Variants in CNTNAP2 observed in about 807,000 individuals in gnomAD.
CNTNAP2 encodes contactin-associated protein-like 2.
Under a neutral mutation model 155.2 loss-of-function variants are expected in CNTNAP2, and 98 were observed. The ratio of observed to expected loss-of-function variants is 0.63; its 90% CI spans 0.54 to 0.75. The LOEUF is 0.75. Among genes scored for constraint, CNTNAP2 ranks in the 30% least tolerant of loss-of-function variants. The probability of loss-of-function intolerance (pLI) is 0.00; values close to 1 mark genes in which losing one functional copy is unlikely to be tolerated. For missense variants in CNTNAP2, 1,727 were observed against 1,688.1 expected (o/e 1.02, Z -0.40); for synonymous variants, 651 against 631.2 (o/e 1.03, Z -0.47).
intron 12 of CNTNAP2, among the ~76,000 whole-genome samples, chr7:147,575,408 T>G: frequency 7.1e-6 from 1 of 140,228 alleles, no homozygotes; most frequent in African/African-American, 2.7e-5. Flanking sequence ...GTGTGTGTAT[T>G]CCCTAGCTTT....
At chr7:147,637,360 A>G (rs1470600733) in intron 12 of CNTNAP2, among the ~76,000 whole-genome samples, 1 of 152,100 alleles carries the variant, frequency 6.6e-6, no homozygotes, top group African/African-American at 2.4e-5. Flanking sequence ...AGCAGAGAGG[A>G]TTCATGGGCA....
intron 1 of CNTNAP2, among the ~76,000 whole-genome samples, chr7:146,407,964 T>C (rs935801075): frequency 6.6e-6 from 1 of 152,208 alleles, no homozygotes; most frequent in Non-Finnish European, 1.5e-5. Flanking sequence ...ATTGTAATAA[T>C]GCAGTACCTC....
intron 3 of CNTNAP2, among the ~76,000 whole-genome samples, chr7:146,997,075 T>C (rs1364046085): frequency 1.3e-5 from 2 of 151,120 alleles, no homozygotes; most frequent in Non-Finnish European, 2.9e-5. Flanking sequence ...CTCTTTTTCT[T>C]TATAAATTAT....
chr7:146,762,557 C>T (rs1397625245), intron 1 of CNTNAP2, among the ~76,000 whole-genome samples: 3 of 152,124 alleles, frequency 2.0e-5, no homozygotes. Flanking sequence ...TGAGATCGTG[C>T]CAGTACACTC....
chr7:146,322,657 G>T (rs1801026882), intron 1 of CNTNAP2, among the ~76,000 whole-genome samples: 1 of 4,228 alleles, frequency 2.4e-4, no homozygotes, highest in South Asian at 0.029. Flanking sequence ...TTTTTTGCTG[G>T]CTATGACGGT....
chr7:146,471,139 G>C (rs1300203737), intron 1 of CNTNAP2, among the ~76,000 whole-genome samples: 1 of 152,118 alleles, frequency 6.6e-6, no homozygotes, highest in Non-Finnish European at 1.5e-5. Flanking sequence ...TTGAAAACAA[G>C]CAATAAACAA....
chr7:148,123,070 T>C (rs1439474645), intron 16 of CNTNAP2, among the ~76,000 whole-genome samples: 1 of 152,126 alleles, frequency 6.6e-6, no homozygotes, highest in East Asian at 1.9e-4. Flanking sequence ...TGAGTCTCTG[T>C]GGGCTATAGG....
At chr7:147,418,539 A>C (rs1456278819) in intron 10 of CNTNAP2, among the ~76,000 whole-genome samples, 1 of 152,184 alleles carries the variant, frequency 6.6e-6, no homozygotes, top group Non-Finnish European at 1.5e-5. Flanking sequence ...CCTGCACCCT[A>C]ATGTAAAATT....
chr7:146,458,579 T>C (rs1796590683), intron 1 of CNTNAP2, among the ~76,000 whole-genome samples: 1 of 152,188 alleles, frequency 6.6e-6, no homozygotes, highest in African/African-American at 2.4e-5. Context: ...TACACATACA[T>C]ATACATACAT....
intron 4 of CNTNAP2, among the ~76,000 whole-genome samples, chr7:147,073,897 G>C (rs536876104): frequency 6.6e-6 from 1 of 152,272 alleles, no homozygotes; most frequent in African/African-American, 2.4e-5. Context: ...GGGGTTAGGA[G>C]ATTGAGTCAG....
chr7:147,859,574 G>T (rs572896263), intron 13 of CNTNAP2, among the ~76,000 whole-genome samples: 43 of 152,228 alleles, frequency 2.8e-4, no homozygotes, highest in African/African-American at 1.0e-3. Flanking sequence ...TTTCCTCAAT[G>T]TCAGTTTATT....
At chr7:148,251,908 A>C (rs1796369339) in intron 20 of CNTNAP2, among the ~76,000 whole-genome samples, 1 of 152,170 alleles carries the variant, frequency 6.6e-6, no homozygotes, top group African/African-American at 2.4e-5. Flanking sequence ...CTGTAGCCCC[A>C]GTTCCATATA....
Position 146,202,789 on chromosome 7 carries a change from T to C in CNTNAP2, c.97+85816T>C, listed in dbSNP as rs73162120. Among the ~76,000 whole-genome samples, 346 of 152,314 alleles carry C rather than the reference T, an allele frequency of 2.3e-3. 2 individuals are homozygous for C. Among genetic ancestry groups the C allele is most frequent in the Non-Finnish European group, 3.7e-3 (250 of 68,036 alleles). On this transcript the variant is annotated intron_variant, in intron 1 of 23. Transcript: ENST00000361727. Reference sequence around the variant, plus strand: ...TGCATAAAAATAATGAGTTCAACTATGATTACAGAAAATGTACATTATAGA... The same window carrying C: ...TGCATAAAAATAATGAGTTCAACTACGATTACAGAAAATGTACATTATAGA...
intron 21 of CNTNAP2, among the ~76,000 whole-genome samples, chr7:148,348,328 A>C (rs1439277999): frequency 1.3e-5 from 2 of 152,088 alleles, no homozygotes; most frequent in African/African-American, 4.8e-5. Context: ...CAAATCGTAC[A>C]TTTTCTTCCA....
Position 147,839,801 on chromosome 7 carries a change from G to A in CNTNAP2, c.2099-63764G>A, listed in dbSNP as rs76157906. Among the ~76,000 whole-genome samples, 16 of 152,230 alleles carry A rather than the reference G, an allele frequency of 1.1e-4. No homozygotes were observed. The East Asian group carries it at 3.1e-3, about 29-fold the overall frequency. ...GGATGCCTGCACTTGTATGCTTATT[G>A]CAGCACTATTCACAATAGCAAAGAT... is the stretch of plus-strand genomic sequence containing the variant. On this transcript the variant is annotated intron_variant, in intron 13 of 23. Transcript: ENST00000361727.
At position 146,577,716 on chromosome 7, in the gene CNTNAP2, T is replaced by G. The variant is rs1004723867; in HGVS notation, c.98-196555T>G. 5.3e-5 allele frequency among the ~76,000 whole-genome samples: 8 copies of G among 152,228 alleles called. No individual in the cohort carries two copies. The East Asian group carries it at 1.4e-3, about 26-fold the overall frequency. On this transcript the variant is annotated intron_variant, in intron 1 of 23. Coordinates refer to ENST00000361727, the MANE Select transcript of CNTNAP2 (RefSeq NM_014141.6). ...TTGTAAAGCAATTTCCTTTGCTCAT[T>G]AAAAATGCACAAATTTAAACACATT... is the stretch of plus-strand genomic sequence containing the variant.
intron 19 of CNTNAP2, among the ~76,000 whole-genome samples, chr7:148,219,401 G>A (rs145397604): frequency 6.6e-6 from 1 of 152,282 alleles, no homozygotes; most frequent in East Asian, 1.9e-4. Flanking sequence ...ATCTTAAAGA[G>A]CAAGAATTTT....
intron 12 of CNTNAP2, among the ~76,000 whole-genome samples, chr7:147,624,166 CTGG>C (rs1794924499): frequency 6.6e-6 from 1 of 151,976 alleles, no homozygotes; most frequent in Non-Finnish European, 1.5e-5. Flanking sequence ...CAAGAAAACA[CTGG>C]GGAAACTCTC....
At position 146,207,414 on chromosome 7, in the gene CNTNAP2, T is replaced by C. The variant is rs944805298; in HGVS notation, c.97+90441T>C. 3.9e-5 allele frequency among the ~76,000 whole-genome samples: 6 copies of C among 151,990 alleles called. 1 individual carries two copies. The highest frequency in any genetic ancestry group is 1.2e-4 in the African/African-American group (5 of 41,436). On this transcript the variant is annotated intron_variant, in intron 1 of 23. Coordinates refer to ENST00000361727, the MANE Select transcript of CNTNAP2 (RefSeq NM_014141.6). ...AGATGTACTGAGTTTAAAATAAGCATCATACAAATAATATCTTGGTGTATG... is the reference window on the plus strand; with the variant it reads ...AGATGTACTGAGTTTAAAATAAGCACCATACAAATAATATCTTGGTGTATG...
Sources: gnomAD v4.1 joint callset for allele counts (sites outside exome capture counted in the v4.1 genomes callset) on GRCh38, gnomAD v4.1.1 for gene constraint, MANE v1.5 for transcripts, NCBI Gene and HGNC (gene_info 2026-07-23, HGNC 2026-07-21) for gene names.